The following COG3 variants were observed in gnomAD, a reference collection of about 807,000 sequenced individuals.
COG3 encodes component of oligomeric golgi complex 3, also known as conserved oligomeric Golgi complex subunit 3.
In COG3, 32 loss-of-function variants were observed where a neutral mutation model predicts 114.1. The ratio of observed to expected loss-of-function variants is 0.28; its 90% CI spans 0.21 to 0.38. The LOEUF is 0.38. Among genes scored for constraint, COG3 ranks in the 10% least tolerant of loss-of-function variants. The pLI, the probability that COG3 is intolerant of heterozygous loss-of-function variation, is 1.00. For synonymous variants in COG3, 352 were observed against 365.7 expected, an observed-to-expected ratio of 0.96 and a Z score of 0.43; for missense variants, 813 against 973.2, an observed-to-expected ratio of 0.84 and a Z score of 2.19.
At chr13:45,489,368 TAGATGTCTAAC>T (rs948374484) in intron 8 of COG3, among the ~76,000 whole-genome samples, 13 of 151,124 alleles carry the variant, frequency 8.6e-5, no homozygotes, top group East Asian at 5.9e-4. Flanking sequence ...GTATACAACC[TAGATGTCTAAC>T]AGATGTCTAA....
chr13:45,533,380 A>G (rs1873339358), intron 22 of COG3, among the ~76,000 whole-genome samples: 1 of 152,122 alleles, frequency 6.6e-6, no homozygotes, highest in African/African-American at 2.4e-5. Flanking sequence ...GAGTGCCCAT[A>G]TATCCTTTAC....
intron 22 of COG3, 82 bp downstream of exon 22, chr13:45,530,862 A>G: frequency 1.4e-6 from 2 of 1,425,558 alleles, no homozygotes; most frequent in Non-Finnish European, 1.9e-6. Context: ...TTGAGCAAAC[A>G]TATTTTTAGT....
Position 45,480,114 on chromosome 13 carries a change from C to T in COG3, c.384-11C>T. ...GATTATTGCCAATCCCCTTTTGGTTCTGTTTTCTAGACAGATGAGGGATTA... is the reference window on the plus strand; with the variant it reads ...GATTATTGCCAATCCCCTTTTGGTTTTGTTTTCTAGACAGATGAGGGATTA... On this transcript the variant is annotated splice_polypyrimidine_tract_variant and intron_variant, in intron 3 of 22. Transcript: ENST00000349995. The T allele has an allele frequency of 6.3e-7, 1 of 1,585,160 alleles. No homozygotes were observed.
At chr13:45,499,890 C>T (rs544182922) in intron 13 of COG3, among the ~76,000 whole-genome samples, 9 of 151,968 alleles carry the variant, frequency 5.9e-5, no homozygotes, top group South Asian at 2.1e-4. Flanking sequence ...GGCATGGTGG[C>T]GGCTGTAGTC....
At chr13:45,499,669 G>A (rs1869236870) in intron 13 of COG3, among the ~76,000 whole-genome samples, 1 of 152,228 alleles carries the variant, frequency 6.6e-6, no homozygotes. Context: ...ATGAGAGACA[G>A]TGGCTGTTGT....
chr13:45,495,731 C>G (rs1868691239), intron 12 of COG3, among the ~76,000 whole-genome samples: 1 of 152,076 alleles, frequency 6.6e-6, no homozygotes, highest in Admixed American at 6.6e-5. Flanking sequence ...CTTTATTTTA[C>G]TTTTTACTTT....
intron 14 of COG3, among the ~76,000 whole-genome samples, chr13:45,507,804 T>C (rs1433365862): frequency 2.1e-5 from 3 of 144,096 alleles, no homozygotes; most frequent in Non-Finnish European, 4.5e-5. Flanking sequence ...GTGTGGTGGC[T>C]CATGCCTGTA....
chr13:45,520,275 G>A (rs569008507), intron 19 of COG3, among the ~76,000 whole-genome samples: 2 of 130,982 alleles, frequency 1.5e-5, no homozygotes, highest in South Asian at 5.2e-4. Flanking sequence ...GTGACAGAGT[G>A]AGACTGTCTC....
chr13:45,469,164 AAGT>A (rs1281154350), intron 1 of COG3, among the ~76,000 whole-genome samples: 1 of 152,220 alleles, frequency 6.6e-6, no homozygotes, highest in Non-Finnish European at 1.5e-5. Context: ...TATGATTGAA[AAGT>A]AGTATTTGTA....
chr13:45,475,173 A>G lies in COG3; in HGVS notation c.175-1028A>G, dbSNP rs529409843. On this transcript the variant is annotated intron_variant, in intron 1 of 22. Transcript: ENST00000349995. ...TGGGTGGAAATGGTAGGAGGAGGTA[A>G]TGTTTATTTCTAATCAATTCTTGGG... Among the ~76,000 whole-genome samples, 6 of 152,132 alleles carry G rather than the reference A, an allele frequency of 3.9e-5. No homozygotes were observed. The East Asian group carries it at 9.6e-4, about 24-fold the overall frequency.
rs115201855 is a variant in COG3, at chr13:45,496,354, C to T, written c.1488+42C>T. The T allele has an allele frequency of 7.6e-4, 1,033 of 1,355,636 alleles. 7 individuals carry two copies. In the African/African-American group the frequency reaches 0.014, roughly 19 times the overall value. The allele number at this position is 1,355,636 out of a possible 1,614,324, so 84.0% of individuals were successfully genotyped here. A position where few individuals can be genotyped will look rare whatever the true frequency, so the allele number is the denominator to read the frequency against. On this transcript the variant is annotated intron_variant, in intron 13 of 22. Coordinates refer to ENST00000349995, the MANE Select transcript of COG3 (RefSeq NM_031431.4). Reference sequence around the variant, plus strand: ...TGATCTCCCGTCTGCCCCCACACAGCTTTTAGATGTTTTATTTATTATTTT... The same window carrying T: ...TGATCTCCCGTCTGCCCCCACACAGTTTTTAGATGTTTTATTTATTATTTT...
chr13:45,504,100 T>TA (rs1270169558), intron 14 of COG3, among the ~76,000 whole-genome samples: 2 of 152,140 alleles, frequency 1.3e-5, no homozygotes, highest in Non-Finnish European at 2.9e-5. Flanking sequence ...AGAGTGGCCC[T>TA]AAAGCGTAGC....
At chr13:45,517,350 C>A (rs1871646452) in intron 17 of COG3, among the ~76,000 whole-genome samples, 1 of 152,126 alleles carries the variant, frequency 6.6e-6, no homozygotes, top group African/African-American at 2.4e-5. Flanking sequence ...TTTGATTTAA[C>A]TCACCCGAGA....
chr13:45,500,888 T>C (rs1037027038), intron 13 of COG3, among the ~76,000 whole-genome samples: 2 of 152,232 alleles, frequency 1.3e-5, no homozygotes, highest in Non-Finnish European at 2.9e-5. Context: ...TGTTGAGGAC[T>C]GGTTTATAGT....
chr13:45,486,219 C>T (rs1321238778), intron 7 of COG3, among the ~76,000 whole-genome samples: 2 of 144,628 alleles, frequency 1.4e-5, no homozygotes, highest in Non-Finnish European at 3.0e-5. Context: ...GAGAATCAGG[C>T]AGGGAGGTTG....
At chr13:45,468,223 C>G (rs1324537942) in intron 1 of COG3, among the ~76,000 whole-genome samples, 1 of 152,122 alleles carries the variant, frequency 6.6e-6, no homozygotes, top group Admixed American at 6.5e-5. Context: ...TGATGTTTAT[C>G]TTTTCTAAGC....
At chr13:45,475,972 A>T (rs1309394002) in intron 1 of COG3, among the ~76,000 whole-genome samples, 1 of 152,138 alleles carries the variant, frequency 6.6e-6, no homozygotes, top group Admixed American at 6.5e-5. Context: ...ACCAAAAAAA[A>T]AAAAAAAGCT....
chr13:45,475,329 C>T (rs1394033808), intron 1 of COG3, among the ~76,000 whole-genome samples: 2 of 152,096 alleles, frequency 1.3e-5, no homozygotes, highest in Admixed American at 1.3e-4. Context: ...TCCCAAGTTG[C>T]TGGACCACAG....
chr13:45,523,636 TA>T (rs915527891), intron 19 of COG3, among the ~76,000 whole-genome samples: 50 of 152,320 alleles, frequency 3.3e-4, no homozygotes, highest in Admixed American at 1.2e-3. Context: ...GTTTTTAACA[TA>T]AAAATACTTG....
Sources: allele counts gnomAD v4.1 joint callset (sites outside exome capture counted in the v4.1 genomes callset), GRCh38; gene constraint gnomAD v4.1.1; transcripts MANE v1.5; gene names NCBI Gene and HGNC (gene_info 2026-07-23, HGNC 2026-07-21).